The following CHD9 variants were observed in gnomAD, a reference collection of about 807,000 sequenced individuals.
CHD9 encodes ATP-dependent chromatin remodeler CHD9.
In CHD9, 77 loss-of-function variants were observed where a neutral mutation model predicts 316.1. That is an observed-to-expected ratio of 0.24 (90% CI 0.20 to 0.29). The LOEUF (loss-of-function observed/expected upper bound fraction) is 0.29. CHD9 is among the 10% of genes least tolerant of loss of function. The pLI is 1.00. For synonymous variants in CHD9, 1,129 were observed against 1,158.3 expected (o/e 0.97, Z 0.51); for missense variants, 2,763 against 3,438.1 (o/e 0.80, Z 4.91).
At chr16:53,130,738 G>A (rs1214763611) in intron 1 of CHD9, among the ~76,000 whole-genome samples, 3 of 151,876 alleles carry the variant, frequency 2.0e-5, no homozygotes, top group Admixed American at 6.5e-5. Flanking sequence ...GCCCTGGGTC[G>A]GGCCGCGCCA....
At chr16:53,201,246 T>C (rs1177388066) in intron 2 of CHD9, among the ~76,000 whole-genome samples, 1 of 152,238 alleles carries the variant, frequency 6.6e-6, no homozygotes, top group Non-Finnish European at 1.5e-5. Flanking sequence ...AAATATACTT[T>C]TGACTTATTT....
chr16:53,296,804 TA>T (rs1424483482), intron 29 of CHD9, among the ~76,000 whole-genome samples, 151 bp from the exon 30 acceptor site: 1 of 152,188 alleles, frequency 6.6e-6, no homozygotes, highest in African/African-American at 2.4e-5. Context: ...AACTAGCATT[TA>T]AAAATGTTTT....
At chr16:53,186,383 A>G (rs973812203) in intron 2 of CHD9, among the ~76,000 whole-genome samples, 1 of 152,198 alleles carries the variant, frequency 6.6e-6, no homozygotes, top group African/African-American at 2.4e-5. Flanking sequence ...CATTTGAAAC[A>G]GATATGTTTA....
intron 30 of CHD9, among the ~76,000 whole-genome samples, chr16:53,300,226 A>C (rs1193510403): frequency 6.6e-6 from 1 of 152,034 alleles, no homozygotes; most frequent in Non-Finnish European, 1.5e-5. Context: ...AGTGGCACGC[A>C]CCTGTAATCC....
Position 53,304,576 on chromosome 16 carries a change from A to G in CHD9, c.6570A>G (p.Ser2190=). 2 of 1,547,722 alleles carry G rather than the reference A, an allele frequency of 1.3e-6. No individual in the cohort carries two copies. Among genetic ancestry groups the G allele is most frequent in the Non-Finnish European group, 1.7e-6 (2 of 1,144,174 alleles). ...SSTSSSSSSS[S]SSSEESDSDE... Reference sequence around the variant, plus strand: ...CCTCTTCCTCCTCCTCCTCCTCTTCATCTTCATCAGAAGAAAGTGACAGTG... The same window carrying G: ...CCTCTTCCTCCTCCTCCTCCTCTTCGTCTTCATCAGAAGAAAGTGACAGTG... Residue 2190 remains serine (S), a synonymous_variant, in exon 31 of 39, where the codon TCA becomes TCG. Coordinates refer to ENST00000447540, the MANE Select transcript of CHD9 (RefSeq NM_001308319.2).
intron 24 of CHD9, among the ~76,000 whole-genome samples, chr16:53,279,197 A>C (rs1312187313): frequency 6.6e-6 from 1 of 152,188 alleles, no homozygotes; most frequent in Non-Finnish European, 1.5e-5. Flanking sequence ...TGATGAGTTC[A>C]TGTTCTTTGT....
chr16:53,078,663 T>C (rs528034605), intron 1 of CHD9, among the ~76,000 whole-genome samples: 5 of 152,324 alleles, frequency 3.3e-5, no homozygotes, highest in African/African-American at 1.2e-4. Context: ...ACATCTGGCA[T>C]AGTCAACTTG....
At chr16:53,284,202 A>G (rs1307624102) in intron 24 of CHD9, among the ~76,000 whole-genome samples, 1 of 152,086 alleles carries the variant, frequency 6.6e-6, no homozygotes, top group Non-Finnish European at 1.5e-5. Context: ...TCTACTTTGT[A>G]TAATTTATAT....
intron 17 of CHD9, chr16:53,250,275 C>T: frequency 1.9e-6 from 1 of 525,496 alleles, no homozygotes; most frequent in Admixed American, 3.7e-5. Flanking sequence ...TTATATGTCT[C>T]ACTAACTTAT....
intron 36 of CHD9, among the ~76,000 whole-genome samples, chr16:53,315,719 A>G (rs562886205): frequency 1.6e-4 from 25 of 152,200 alleles, no homozygotes; most frequent in African/African-American, 3.6e-4. Context: ...GCCTCAAGCA[A>G]TCCGCCTGCT....
rs142438473 is a variant in CHD9, at chr16:53,286,611, TA to T, written c.5189+271del. Among the ~76,000 whole-genome samples, 737 of 152,252 alleles carry T rather than the reference TA, an allele frequency of 4.8e-3. 5 individuals carry two copies. Among genetic ancestry groups the T allele is most frequent in the Non-Finnish European group, 4.9e-3 (334 of 68,000 alleles). ...AGCTATATCATGGCCACTGAGTTCA[TA>T]AACTTCTAGGGGCATAGGGGGAGAA... On this transcript the variant is annotated intron_variant, in intron 26 of 38. Coordinates refer to ENST00000447540, the MANE Select transcript of CHD9 (RefSeq NM_001308319.2).
chr16:53,071,020 T>G (rs916181868), intron 1 of CHD9, among the ~76,000 whole-genome samples: 2 of 152,186 alleles, frequency 1.3e-5, no homozygotes, highest in African/African-American at 4.8e-5. Flanking sequence ...GATTTTTCTA[T>G]TTCTGCAAAA....
At chr16:53,086,170 C>T (rs1381138828) in intron 1 of CHD9, among the ~76,000 whole-genome samples, 1 of 152,096 alleles carries the variant, frequency 6.6e-6, no homozygotes, top group Non-Finnish European at 1.5e-5. Flanking sequence ...GGGAGGCCCA[C>T]GTGGGTCTCC....
At chr16:53,061,380 C>A (rs1251244778) in intron 1 of CHD9, among the ~76,000 whole-genome samples, 2 of 152,176 alleles carry the variant, frequency 1.3e-5, no homozygotes, top group African/African-American at 4.8e-5. Context: ...GATGGAACTT[C>A]ACATCTCACT....
intron 2 of CHD9, among the ~76,000 whole-genome samples, chr16:53,199,557 T>C (rs1379535335): frequency 4.6e-5 from 7 of 152,196 alleles, no homozygotes. Flanking sequence ...ATCACCTATA[T>C]AGTATACATT....
At position 53,299,441 on chromosome 16, in the gene CHD9, G is replaced by A. The variant is rs35763311; in HGVS notation, c.5713+2283G>A. 3.7e-3 allele frequency: 693 copies of A among 187,714 alleles called. 4 individuals are homozygous for A. Among genetic ancestry groups the A allele is most frequent in the African/African-American group, 0.015 (631 of 42,780 alleles). The allele number at this position is 187,714 out of a possible 1,614,324, so 11.6% of individuals were successfully genotyped here. ...CCAACATCACCGTGAAGATTGACAT[G>A]GCCTTTGTGGACAGGTCTGATATCA... On this transcript the variant is annotated intron_variant, in intron 30 of 38. Coordinates refer to ENST00000447540, the MANE Select transcript of CHD9 (RefSeq NM_001308319.2).
intron 24 of CHD9, among the ~76,000 whole-genome samples, chr16:53,274,788 G>A (rs1364118012): frequency 6.6e-6 from 1 of 152,098 alleles, no homozygotes; most frequent in East Asian, 1.9e-4. Context: ...AACATGATGA[G>A]GCAAAAATTA....
intron 1 of CHD9, among the ~76,000 whole-genome samples, chr16:53,059,727 G>T (rs939470797): frequency 1.3e-5 from 2 of 152,194 alleles, no homozygotes; most frequent in Non-Finnish European, 2.9e-5. Context: ...TTTCTGTAAA[G>T]GTCCAGAGAG....
intron 29 of CHD9, among the ~76,000 whole-genome samples, chr16:53,293,488 T>C (rs1036875915): frequency 4.6e-5 from 7 of 151,576 alleles, no homozygotes; most frequent in African/African-American, 1.7e-4. Flanking sequence ...TGGTGGCGCA[T>C]GCCTGTGGTC....
Sources: gnomAD v4.1 joint callset for allele counts (sites outside exome capture counted in the v4.1 genomes callset) on GRCh38, gnomAD v4.1.1 for gene constraint, MANE v1.5 for transcripts, NCBI Gene and HGNC (gene_info 2026-07-23, HGNC 2026-07-21) for gene names.